IGSF11: variants seen among roughly 807,000 people sequenced by gnomAD.
The protein encoded by IGSF11 is immunoglobulin superfamily member 11.
Under a neutral mutation model 41.0 loss-of-function variants are expected in IGSF11, and 22 were observed. That is an observed-to-expected ratio of 0.54 (90% CI 0.38 to 0.77). IGSF11 has a LOEUF of 0.77. Among genes scored for constraint, IGSF11 ranks in the 30% least tolerant of loss-of-function variants. The pLI, the probability that IGSF11 is intolerant of heterozygous loss-of-function variation, is 0.00. For missense variants in IGSF11, 444 were observed against 530.8 expected (o/e 0.84, Z 1.61); for synonymous variants, 219 against 201.3 (o/e 1.09, Z -0.74).
chr3:119,018,035 C>G (rs954879952), intron 1 of IGSF11, among the ~76,000 whole-genome samples: 2 of 152,036 alleles, frequency 1.3e-5, no homozygotes, highest in Admixed American at 1.3e-4. Context: ...CACTGTCTAA[C>G]CCAAGAGTCG....
chr3:119,034,977 C>G (rs970685835), upstream of IGSF11: 14 of 370,422 alleles, frequency 3.8e-5, no homozygotes, highest in East Asian at 1.8e-3. Context: ...GGCTCCAGCG[C>G]GACGCCTGGC....
chr3:118,922,258 T>C (rs1941874479), intron 4 of IGSF11, among the ~76,000 whole-genome samples: 1 of 152,184 alleles, frequency 6.6e-6, no homozygotes, highest in Admixed American at 6.5e-5. Flanking sequence ...CATTATGCAA[T>C]TGTTTTTCTT....
intron 1 of IGSF11, among the ~76,000 whole-genome samples, chr3:119,075,526 C>G (rs984686573): frequency 6.6e-6 from 1 of 152,030 alleles, no homozygotes; most frequent in Non-Finnish European, 1.5e-5. Flanking sequence ...CAACAGCAAA[C>G]AAAAACATTC....
At chr3:118,945,331 G>A (rs1257363325) in intron 1 of IGSF11, among the ~76,000 whole-genome samples, 1 of 152,076 alleles carries the variant, frequency 6.6e-6, no homozygotes, top group Non-Finnish European at 1.5e-5. Context: ...CTACAACTGT[G>A]ATTATTAAAA....
At chr3:118,959,058 G>A (rs1945154180) in intron 1 of IGSF11, among the ~76,000 whole-genome samples, 5 of 152,088 alleles carry the variant, frequency 3.3e-5, no homozygotes, top group Admixed American at 3.3e-4. Context: ...GGGAGAGAAG[G>A]CTGTTTTGCT....
chr3:119,084,996 G>T (rs914741011), intron 1 of IGSF11, among the ~76,000 whole-genome samples: 4 of 146,300 alleles, frequency 2.7e-5, no homozygotes, highest in African/African-American at 9.7e-5. Flanking sequence ...CTTCCACAGG[G>T]CTTGTCCAAT....
intron 1 of IGSF11, among the ~76,000 whole-genome samples, chr3:119,054,389 T>C (rs1941739665): frequency 6.6e-6 from 1 of 152,136 alleles, no homozygotes; most frequent in Admixed American, 6.5e-5. Context: ...AATAGGCAAT[T>C]ATCAAAAGAA....
chr3:118,934,445 A>AT (rs1239648617), intron 1 of IGSF11, among the ~76,000 whole-genome samples: 6 of 152,246 alleles, frequency 3.9e-5, no homozygotes, highest in South Asian at 2.1e-4. Context: ...TGGATACTGA[A>AT]TGTTGGTATT....
intron 1 of IGSF11, among the ~76,000 whole-genome samples, chr3:119,079,582 A>G (rs765786428): frequency 6.6e-6 from 1 of 152,180 alleles, no homozygotes; most frequent in African/African-American, 2.4e-5. Flanking sequence ...ATACGTGTAC[A>G]TGTGTGTTCA....
intron 1 of IGSF11, among the ~76,000 whole-genome samples, chr3:118,994,302 T>C (rs146910195): frequency 6.6e-6 from 1 of 152,282 alleles, no homozygotes; most frequent in East Asian, 1.9e-4. Context: ...TCCATTTACT[T>C]CAGTAAACAT....
At chr3:119,105,068 G>C in intron 1 of IGSF11, 1 of 898,888 alleles carries the variant, frequency 1.1e-6, no homozygotes, top group Non-Finnish European at 1.8e-6. Context: ...ATCACAAAAA[G>C]CCTTTCACTC....
At chr3:119,109,244 T>C (rs1408709564), upstream of IGSF11, among the ~76,000 whole-genome samples, 3 of 149,604 alleles carry the variant, frequency 2.0e-5, no homozygotes, top group African/African-American at 7.4e-5. Context: ...TGGTAAGCTA[T>C]TGATTATTGC....
At chr3:118,909,722 T>C (rs896393326) in intron 4 of IGSF11, among the ~76,000 whole-genome samples, 5 of 152,256 alleles carry the variant, frequency 3.3e-5, no homozygotes, top group Non-Finnish European at 7.3e-5. Flanking sequence ...AAATATTTTG[T>C]CTGTTTGCCC....
chr3:119,069,254 G>A (rs1025703583), intron 1 of IGSF11, among the ~76,000 whole-genome samples: 1 of 152,092 alleles, frequency 6.6e-6, no homozygotes, highest in Non-Finnish European at 1.5e-5. Context: ...CATATCTTTG[G>A]TAGAGAGGAG....
intron 1 of IGSF11, among the ~76,000 whole-genome samples, chr3:119,091,024 C>A (rs549614788): frequency 6.6e-6 from 1 of 152,182 alleles, no homozygotes; most frequent in East Asian, 1.9e-4. Context: ...AAACAAATAA[C>A]CCTATTTAAA....
chr3:118,911,708 A>G (rs964197989), intron 4 of IGSF11, among the ~76,000 whole-genome samples: 18 of 151,908 alleles, frequency 1.2e-4, no homozygotes, highest in Admixed American at 3.3e-4. Flanking sequence ...AGTGAGAGAG[A>G]GGAGAGGAGA....
intron 1 of IGSF11, among the ~76,000 whole-genome samples, chr3:119,118,057 A>G (rs2077283228): frequency 1.3e-5 from 2 of 152,062 alleles, no homozygotes; most frequent in Non-Finnish European, 2.9e-5. Flanking sequence ...GCTGGCATTG[A>G]ATGTCTGTGG....
chr3:119,033,981 G>T (rs565415376), intron 1 of IGSF11, among the ~76,000 whole-genome samples: 2 of 152,296 alleles, frequency 1.3e-5, no homozygotes, highest in Admixed American at 1.3e-4. Flanking sequence ...AAGTCCTTTG[G>T]AGATGAAGCT....
upstream of IGSF11, among the ~76,000 whole-genome samples, chr3:119,107,119 G>A (rs1439426282): frequency 6.6e-6 from 1 of 152,102 alleles, no homozygotes; most frequent in Non-Finnish European, 1.5e-5. Flanking sequence ...GGGATGGCTG[G>A]GTCAAATAGT....
Sources: allele counts gnomAD v4.1 joint callset (sites outside exome capture counted in the v4.1 genomes callset), GRCh38; gene constraint gnomAD v4.1.1; transcripts MANE v1.5; gene names NCBI Gene and HGNC (gene_info 2026-07-23, HGNC 2026-07-21).